The following KIRREL3 variants were observed in gnomAD, a reference collection of about 807,000 sequenced individuals.
The protein encoded by KIRREL3 is kin of IRRE-like protein 3.
A neutral mutation model predicts 89.7 loss-of-function variants in KIRREL3; 36 were observed. That is an observed-to-expected ratio of 0.40 (90% confidence interval 0.31 to 0.53). The LOEUF (loss-of-function observed/expected upper bound fraction) is 0.53, where lower values mean the gene tolerates loss of function less well. Among genes scored for constraint, KIRREL3 ranks in the 20% least tolerant of loss-of-function variants. The pLI is 0.49. For synonymous variants in KIRREL3, 445 were observed against 441.4 expected (o/e 1.01, Z -0.10); for missense variants, 864 against 1,056.6 (o/e 0.82, Z 2.53).
chr11:126,478,565 G>A (rs1475295800), intron 4 of KIRREL3, among the ~76,000 whole-genome samples: 1 of 151,938 alleles, frequency 6.6e-6, no homozygotes, highest in Non-Finnish European at 1.5e-5. Flanking sequence ...GTGTGTATGT[G>A]TATATATGTG....
chr11:126,475,900 A>G lies in KIRREL3; in HGVS notation c.434-2434T>C, dbSNP rs1251878962. On this transcript the variant is annotated intron_variant, in intron 4 of 16. Coordinates refer to ENST00000525144, the MANE Select transcript of KIRREL3 (RefSeq NM_032531.4). The surrounding 1 kb of genome is among the most constrained non-coding windows in gnomAD (Gnocchi z 7.5). ...GCCAGCCTTCACCCTTCTTTCTTCA[A>G]GGCAGCCTCCCCGACCAGGATGGAG... Among the ~76,000 whole-genome samples the G allele has an allele frequency of 6.6e-6, 1 of 152,166 alleles. No individual in the cohort carries two copies. The highest frequency in any genetic ancestry group is 1.5e-5 in the Non-Finnish European group (1 of 68,022).
rs182524087 is a variant in KIRREL3 at position 126,623,063 on chromosome 11, C to A, written c.56-60151G>T. On this transcript the variant is annotated intron_variant, in intron 1 of 16. Coordinates refer to ENST00000525144, the MANE Select transcript of KIRREL3 (RefSeq NM_032531.4). This position sits in a 1 kb window ranked among gnomAD's most constrained non-coding sequence, Gnocchi z 4.1. ...ACACTAATATGATATTTACAATTTA[C>A]AAAGCGTTATCCACTAGTTATCTCA... 6.6e-6 allele frequency among the ~76,000 whole-genome samples: 1 copy of A among 152,118 alleles called. No homozygotes were observed. The highest frequency in any genetic ancestry group is 2.4e-5 in the African/African-American group (1 of 41,418).
In KIRREL3 at chr11:126,639,192, C is replaced by T. The variant is rs551983405; in HGVS notation, c.56-76280G>A. On this transcript the variant is annotated intron_variant, in intron 1 of 16. Transcript: ENST00000525144. This position sits in a 1 kb window ranked among gnomAD's most constrained non-coding sequence, Gnocchi z 4.3. ...TGGAAACTTAAGCTCTGGAGGGCCA[C>T]CTGTCAGATGAGATTTGCCTTCAAA... 4.5e-4 allele frequency among the ~76,000 whole-genome samples: 69 copies of T among 152,272 alleles called. No homozygotes were observed. Among genetic ancestry groups the T allele is most frequent in the African/African-American group, 1.6e-3 (67 of 41,550 alleles).
At position 126,724,882 on chromosome 11, in the gene KIRREL3, A is replaced by T. The variant is rs568742655; in HGVS notation, c.56-161970T>A. Among the ~76,000 whole-genome samples, 1 of 152,364 alleles carries T rather than the reference A, an allele frequency of 6.6e-6. No individual in the cohort carries two copies. Among genetic ancestry groups the T allele is most frequent in the Admixed American group, 6.5e-5 (1 of 15,310 alleles). ...CCTCTTTATCATAGATCAACTTGTCAGTTAGTCATTCACTTAATGAGTATT... is the reference window on the plus strand; with the variant it reads ...CCTCTTTATCATAGATCAACTTGTCTGTTAGTCATTCACTTAATGAGTATT... On this transcript the variant is annotated intron_variant, in intron 1 of 16. Coordinates refer to ENST00000525144, the MANE Select transcript of KIRREL3 (RefSeq NM_032531.4). The surrounding 1 kb of genome is among the most constrained non-coding windows in gnomAD (Gnocchi z 4.3).
rs1950296114 is a variant in KIRREL3 at position 127,000,630 on chromosome 11, G to A, written c.-121C>T. The A allele has an allele frequency of 3.1e-6, 3 of 969,032 alleles. No homozygotes were observed. Among genetic ancestry groups the A allele is most frequent in the South Asian group, 1.6e-5 (1 of 63,490 alleles). 60.0% of individuals were successfully genotyped at this position (969,032 alleles called of 1,614,324 possible). A position where few individuals can be genotyped will look rare whatever the true frequency, so the allele number is the denominator to read the frequency against. ...TCGGGTTCGCGCCTACCATCTGTCCGTCCGTGGGTCCCTCCGGGTGGCTTC... is the reference window on the plus strand; with the variant it reads ...TCGGGTTCGCGCCTACCATCTGTCCATCCGTGGGTCCCTCCGGGTGGCTTC... On this transcript the variant is annotated 5_prime_UTR_variant, in exon 1 of 17. It adds an upstream start codon to the 5' untranslated region. Coordinates refer to ENST00000525144, the MANE Select transcript of KIRREL3 (RefSeq NM_032531.4). This position sits in a 1 kb window ranked among gnomAD's most constrained non-coding sequence, Gnocchi z 7.1.
chr11:126,664,038 G>A lies in KIRREL3; in HGVS notation c.56-101126C>T, dbSNP rs756490541. Among the ~76,000 whole-genome samples the A allele has an allele frequency of 5.3e-5, 8 of 152,218 alleles. No homozygotes were observed. Among genetic ancestry groups the A allele is most frequent in the Non-Finnish European group, 8.8e-5 (6 of 68,036 alleles). ...TTTTGAGCCTGTGCCCCTGGCACAA[G>A]GGAAATTAACCAGACTCTGCATGTT... On this transcript the variant is annotated intron_variant, in intron 1 of 16. Coordinates refer to ENST00000525144, the MANE Select transcript of KIRREL3 (RefSeq NM_032531.4). The surrounding 1 kb of genome is among the most constrained non-coding windows in gnomAD (Gnocchi z 5.4).
chr11:126,888,672 T>C (rs1470088721), intron 1 of KIRREL3, among the ~76,000 whole-genome samples: 2 of 152,106 alleles, frequency 1.3e-5, no homozygotes, highest in African/African-American at 2.4e-5. Context: ...ATTAAAAAGA[T>C]AGTAATTAGA....
intron 1 of KIRREL3, among the ~76,000 whole-genome samples, chr11:126,638,815 T>C (rs1230780659): frequency 2.6e-5 from 4 of 152,122 alleles, no homozygotes; most frequent in Admixed American, 1.3e-4. Flanking sequence ...GAAAGGACTT[T>C]AGTCTTCAAA....
intron 10 of KIRREL3, among the ~76,000 whole-genome samples, chr11:126,442,567 G>A (rs1175586812): frequency 6.6e-6 from 1 of 152,214 alleles, no homozygotes; most frequent in Non-Finnish European, 1.5e-5. Flanking sequence ...CTTTCCCAAA[G>A]GACTGCTGCG....
rs540311526 is a variant in KIRREL3, at chr11:126,511,880, C to T, written c.433+9435G>A. Among the ~76,000 whole-genome samples, 7 of 152,276 alleles carry T rather than the reference C, an allele frequency of 4.6e-5. No individual in the cohort carries two copies. In the East Asian group the frequency reaches 7.7e-4, roughly 17 times the overall value. ...CTGGGCTGAGGTCGGAACGGAGAAGCGGCGGGTTATTTTTAGCCCTCAGAG... is the reference window on the plus strand; with the variant it reads ...CTGGGCTGAGGTCGGAACGGAGAAGTGGCGGGTTATTTTTAGCCCTCAGAG... On this transcript the variant is annotated intron_variant, in intron 4 of 16. Coordinates refer to ENST00000525144, the MANE Select transcript of KIRREL3 (RefSeq NM_032531.4).
chr11:126,932,548 G>A (rs1947994710), intron 1 of KIRREL3, among the ~76,000 whole-genome samples: 1 of 152,178 alleles, frequency 6.6e-6, no homozygotes, highest in Non-Finnish European at 1.5e-5. Flanking sequence ...ATACAGAAAG[G>A]GCAAGTCTCA....
chr11:126,478,779 TTG>T (rs977702748), intron 4 of KIRREL3, among the ~76,000 whole-genome samples: 1 of 151,790 alleles, frequency 6.6e-6, no homozygotes, highest in African/African-American at 2.4e-5. Flanking sequence ...ATATGTGTGT[TTG>T]TGTGTGTGCA....
At chr11:126,799,340 ATGTGTGTATCTCTGTG>A (rs1565741390) in intron 1 of KIRREL3, among the ~76,000 whole-genome samples, 1 of 88,692 alleles carries the variant, frequency 1.1e-5, no homozygotes, top group South Asian at 3.8e-4. Flanking sequence ...GTGTGTGTGC[ATGTGTGTATCTCTGTG>A]TGTATCTGTG....
At position 126,575,182 on chromosome 11, in the gene KIRREL3, C is replaced by T. The variant is rs1315811734; in HGVS notation, c.56-12270G>A. On this transcript the variant is annotated intron_variant, in intron 1 of 16. Coordinates refer to ENST00000525144, the MANE Select transcript of KIRREL3 (RefSeq NM_032531.4). The surrounding 1 kb of genome is among the most constrained non-coding windows in gnomAD (Gnocchi z 7.0). Reference sequence around the variant, plus strand: ...AAAAAAAGAGGCTTAAGCTAAGAAGCCCGGGGAGTAGGAAGTTCTATGCTA... The same window carrying T: ...AAAAAAAGAGGCTTAAGCTAAGAAGTCCGGGGAGTAGGAAGTTCTATGCTA... 6.6e-6 allele frequency among the ~76,000 whole-genome samples: 1 copy of T among 152,182 alleles called. No homozygotes were observed. Among genetic ancestry groups the T allele is most frequent in the Non-Finnish European group, 1.5e-5 (1 of 68,020 alleles).
At chr11:126,650,711 G>A (rs538477419) in intron 1 of KIRREL3, among the ~76,000 whole-genome samples, 2 of 152,168 alleles carry the variant, frequency 1.3e-5, no homozygotes, top group African/African-American at 4.8e-5. Flanking sequence ...CCACATTTTC[G>A]TGTCTTCTTC....
intron 1 of KIRREL3, among the ~76,000 whole-genome samples, chr11:126,963,207 AG>A (rs1386479095): frequency 6.6e-6 from 1 of 152,112 alleles, no homozygotes; most frequent in Non-Finnish European, 1.5e-5. Flanking sequence ...TGGAGAAGAC[AG>A]GAACAGTTGT....
intron 1 of KIRREL3, among the ~76,000 whole-genome samples, chr11:126,718,598 A>C (rs1948056050): frequency 6.6e-6 from 1 of 152,210 alleles, no homozygotes; most frequent in Admixed American, 6.5e-5. Flanking sequence ...CAAACTGGGG[A>C]AGGAAGGTAG....
Position 126,498,771 on chromosome 11 carries a change from G to T in KIRREL3, c.433+22544C>A, listed in dbSNP as rs1957756906. ...GAGCACCTTCCCTTCTGCACCTAAG[G>T]TTGAGTCCCCCTCCCACAGGAGCAC... is the stretch of plus-strand genomic sequence containing the variant. On this transcript the variant is annotated intron_variant, in intron 4 of 16. Transcript: ENST00000525144. The surrounding 1 kb of genome is among the most constrained non-coding windows in gnomAD (Gnocchi z 4.3). Among the ~76,000 whole-genome samples, 1 of 152,170 alleles carries T rather than the reference G, an allele frequency of 6.6e-6. No individual in the cohort carries two copies. Among genetic ancestry groups the T allele is most frequent in the Non-Finnish European group, 1.5e-5 (1 of 68,030 alleles).
intron 1 of KIRREL3, among the ~76,000 whole-genome samples, chr11:126,821,351 A>ATATATATGTGTG (rs756545626): frequency 9.5e-6 from 1 of 105,254 alleles, no homozygotes; most frequent in Non-Finnish European, 1.9e-5. Context: ...ATATATATAT[A>ATATATATGTGTG]TGTAACTTCC....
Sources: gnomAD v4.1 joint callset for allele counts (sites outside exome capture counted in the v4.1 genomes callset) on GRCh38, gnomAD v4.1.1 for gene constraint, Gnocchi (gnomAD v3.1) non-coding constraint, MANE v1.5 for transcripts, NCBI Gene and HGNC (gene_info 2026-07-23, HGNC 2026-07-21) for gene names.